Variants in ZNF341 observed in about 807,000 individuals in gnomAD.
The protein encoded by ZNF341 is zinc finger protein 341.
A neutral mutation model predicts 87.7 loss-of-function variants in ZNF341; 52 were observed. The observed-to-expected ratio is 0.59, with a 90% CI of 0.47 to 0.75. The LOEUF is 0.75. ZNF341 is among the 30% of genes least tolerant of loss of function. ZNF341 has a pLI of 0.00. For synonymous variants in ZNF341, 459 were observed against 472.7 expected, an observed-to-expected ratio of 0.97 and a Z score of 0.38; for missense variants, 977 against 1,145.9, an observed-to-expected ratio of 0.85 and a Z score of 2.13.
In ZNF341 at chr20:33,757,276, G is replaced by C. The variant is rs765742986; in HGVS notation, c.870G>C (p.Val290=). The stretch of plus-strand genomic sequence containing the variant: ...TGACCAGCGCCACCGGGGGCACGGT[G>C]GCCACCTTTGACTCTCCAGCAACGC... ...APMTSATGGT[V]ATFDSPATLK... The change falls in exon 6 of 15, where the codon GTG becomes GTC. Residue 290 remains valine (V), a synonymous_variant. Transcript: ENST00000375200. 3.1e-5 allele frequency: 50 copies of C among 1,605,644 alleles called. No homozygotes were observed. Among genetic ancestry groups the C allele is most frequent in the Non-Finnish European group, 3.6e-5 (42 of 1,176,692 alleles).
chr20:33,753,545 C>T lies in ZNF341; in HGVS notation c.741+122C>T, dbSNP rs79560789. On this transcript the variant is annotated intron_variant, in intron 5 of 14. Coordinates refer to ENST00000375200, the MANE Select transcript of ZNF341 (RefSeq NM_001282933.2). ...CTGGGGATACCATGAAAACCAGACC[C>T]GGTCCTGGCCTTCATGGGGTGTACC... is the stretch of plus-strand genomic sequence containing the variant. 5.1e-3 allele frequency: 6,753 copies of T among 1,317,700 alleles called. 270 individuals are homozygous for T. In the African/African-American group the frequency reaches 0.086, roughly 17 times the overall value. 81.6% of individuals were successfully genotyped at this position (1,317,700 alleles called of 1,614,324 possible).
chr20:33,769,044 T>C (rs1035895274), intron 9 of ZNF341, among the ~76,000 whole-genome samples: 2 of 152,134 alleles, frequency 1.3e-5, no homozygotes, highest in Admixed American at 1.3e-4. Flanking sequence ...ACAAATCTGG[T>C]TAATGTCCTG....
intron 3 of ZNF341, 133 bp from the exon 4 acceptor site, chr20:33,748,790 C>T (rs1373735284): frequency 6.0e-5 from 51 of 855,240 alleles, no homozygotes; most frequent in Non-Finnish European, 8.7e-5. Flanking sequence ...GATTCCAGAA[C>T]CTGGATCTTT....
intron 2 of ZNF341, 132 bp downstream of exon 2, chr20:33,741,144 C>T (rs2018793575): frequency 1.3e-6 from 1 of 781,478 alleles, no homozygotes; most frequent in Non-Finnish European, 2.1e-6. Flanking sequence ...TCTGAACCCT[C>T]TCCCCCGCCT....
chr20:33,753,732 A>T (rs532224575), intron 5 of ZNF341, among the ~76,000 whole-genome samples: 1 of 152,348 alleles, frequency 6.6e-6, no homozygotes, highest in African/African-American at 2.4e-5. Context: ...AGGCAAAAAA[A>T]AGAAAAAAGA....
At chr20:33,789,775 G>C (rs1161068264) in intron 14 of ZNF341, among the ~76,000 whole-genome samples, 187 bp downstream of exon 14, 2 of 152,222 alleles carry the variant, frequency 1.3e-5, no homozygotes, top group Non-Finnish European at 2.9e-5. Context: ...AGGGTGAACA[G>C]AGATGAATCA....
intron 10 of ZNF341, among the ~76,000 whole-genome samples, chr20:33,771,504 C>G (rs2019531709): frequency 6.6e-6 from 1 of 151,814 alleles, no homozygotes; most frequent in East Asian, 2.0e-4. Context: ...CCTTAGCCTC[C>G]CAAAATGCTA....
intron 5 of ZNF341, among the ~76,000 whole-genome samples, chr20:33,753,915 T>C (rs569311856): frequency 6.6e-6 from 1 of 152,280 alleles, no homozygotes; most frequent in Admixed American, 6.5e-5. Context: ...TTGGCTGGGC[T>C]CACTCATATG....
In ZNF341 at chr20:33,769,709, G is replaced by A. The variant is rs536994049; in HGVS notation, c.1414-375G>A. On this transcript the variant is annotated intron_variant, in intron 9 of 14. Coordinates refer to ENST00000375200, the MANE Select transcript of ZNF341 (RefSeq NM_001282933.2). ...GTGGATCACTTGAGGTCAGGAGTTC[G>A]AGACCAGCCTGGCCAATGTGGTGAA... is the stretch of plus-strand genomic sequence containing the variant. Among the ~76,000 whole-genome samples the A allele has an allele frequency of 9.2e-5, 14 of 152,220 alleles. No homozygotes were observed. In the South Asian group the frequency reaches 2.5e-3, roughly 27 times the overall value.
intron 1 of ZNF341, among the ~76,000 whole-genome samples, chr20:33,734,500 G>T (rs2018639701): frequency 1.3e-5 from 2 of 152,122 alleles, no homozygotes; most frequent in South Asian, 4.1e-4. Flanking sequence ...GTTTATTTGA[G>T]ATGTATTGGG....
chr20:33,757,051 G>A lies in ZNF341; in HGVS notation c.742-97G>A, dbSNP rs1056772544. The A allele has an allele frequency of 4.2e-5, 43 of 1,028,360 alleles. 1 individual carries two copies. The highest frequency in any genetic ancestry group is 4.9e-5 in the South Asian group (2 of 40,506). 63.7% of individuals were successfully genotyped at this position (1,028,360 alleles called of 1,614,324 possible). On this transcript the variant is annotated intron_variant, in intron 5 of 14. Transcript: ENST00000375200. ...CTGTGATGGTGATGTAGGGGAGAGC[G>A]GCTGAGGTCAATCAGGGAGGCAGGG...
At chr20:33,740,744 A>G (rs2018780842) in intron 1 of ZNF341, among the ~76,000 whole-genome samples, 158 bp from the exon 2 acceptor site, 1 of 152,122 alleles carries the variant, frequency 6.6e-6, no homozygotes, top group African/African-American at 2.4e-5. Flanking sequence ...CCTGGGCTCA[A>G]GCGATCTCCC....
rs2020022485 is a variant in ZNF341, at chr20:33,791,310, G to A, written c.2358G>A (p.Glu786=). The A allele has an allele frequency of 1.9e-6, 3 of 1,611,570 alleles. No individual in the cohort carries two copies. Among genetic ancestry groups the A allele is most frequent in the Non-Finnish European group, 2.5e-6 (3 of 1,179,462 alleles). ...LKDTGAGLVP[E]AVPGKPPFAE... ...ACACAGGGGCTGGGCTGGTGCCCGA[G>A]GCTGTCCCCGGCAAGCCGCCCTTCG... The change falls in exon 15 of 15, where the codon GAG becomes GAA. Residue 786 remains glutamate (E), a synonymous_variant. Coordinates refer to ENST00000375200, the MANE Select transcript of ZNF341 (RefSeq NM_001282933.2).
chr20:33,759,968 A>G (rs1568944196), intron 7 of ZNF341, among the ~76,000 whole-genome samples: 5 of 152,246 alleles, frequency 3.3e-5, no homozygotes, highest in South Asian at 2.1e-4. Flanking sequence ...GCCTCTAACT[A>G]TTAGATGCTA....
intron 4 of ZNF341, among the ~76,000 whole-genome samples, 155 bp downstream of exon 4, chr20:33,749,227 A>G (rs1257355817): frequency 1.3e-5 from 2 of 152,096 alleles, no homozygotes; most frequent in Non-Finnish European, 2.9e-5. Context: ...TCTGCTATAG[A>G]TGGGGAAGCT....
chr20:33,733,399 T>G (rs565852007), intron 1 of ZNF341, among the ~76,000 whole-genome samples: 114 of 151,712 alleles, frequency 7.5e-4, no homozygotes, highest in African/African-American at 2.7e-3. Flanking sequence ...CGGCTAATTT[T>G]TTTTTTTTTT....
chr20:33,764,562 T>TA (rs1491532951), intron 8 of ZNF341, among the ~76,000 whole-genome samples: 53 of 40,140 alleles, frequency 1.3e-3, no homozygotes, highest in East Asian at 8.7e-3. Context: ...TATATATATA[T>TA]TTTTTTTTTT....
At chr20:33,758,947 G>A (rs141223440) in intron 7 of ZNF341, 141 bp downstream of exon 7, 39 of 711,188 alleles carry the variant, frequency 5.5e-5, no homozygotes, top group Middle Eastern at 4.9e-4. Context: ...AGTCCAGGTC[G>A]GGTGGTTTTC....
intron 1 of ZNF341, among the ~76,000 whole-genome samples, chr20:33,738,866 G>A (rs2018746399): frequency 6.6e-6 from 1 of 152,230 alleles, no homozygotes. Context: ...GGAGATGGAG[G>A]GGAGGGCTGC....
Sources: allele counts gnomAD v4.1 joint callset (sites outside exome capture counted in the v4.1 genomes callset), GRCh38; gene constraint gnomAD v4.1.1; transcripts MANE v1.5; gene names NCBI Gene and HGNC (gene_info 2026-07-23, HGNC 2026-07-21).